The following SOS1 variants were observed in gnomAD, a reference collection of about 807,000 sequenced individuals.
The protein encoded by SOS1 is son of sevenless homolog 1.
Under a neutral mutation model 157.6 loss-of-function variants are expected in SOS1, and 25 were observed. The ratio of observed to expected loss-of-function variants is 0.16; its 90% confidence interval spans 0.12 to 0.22. The LOEUF is 0.22. Among genes scored for constraint, SOS1 ranks in the 10% least tolerant of loss-of-function variants. The pLI is 1.00. For synonymous variants in SOS1, 528 were observed against 534.0 expected (o/e 0.99, Z 0.16); for missense variants, 1,237 against 1,599.1 (o/e 0.77, Z 3.86).
At chr2:39,114,650 G>A (rs769022204) in intron 1 of SOS1, among the ~76,000 whole-genome samples, 2 of 152,034 alleles carry the variant, frequency 1.3e-5, no homozygotes, top group Non-Finnish European at 2.9e-5. Flanking sequence ...TGTCACCCAG[G>A]CTGGAGTACA....
intron 1 of SOS1, among the ~76,000 whole-genome samples, chr2:39,109,395 G>C (rs1326521255): frequency 6.6e-6 from 1 of 151,960 alleles, no homozygotes; most frequent in Non-Finnish European, 1.5e-5. Context: ...TAATGCAACA[G>C]AACCCTTTTT....
At chr2:39,005,060 C>T (rs1669238977) in intron 17 of SOS1, among the ~76,000 whole-genome samples, 1 of 152,134 alleles carries the variant, frequency 6.6e-6, no homozygotes, top group South Asian at 2.1e-4. Flanking sequence ...TGATATGTTC[C>T]AGGATCCCCA....
rs563581670 is a variant in SOS1, at chr2:39,117,760, C to T, written c.87+2576G>A. Reference sequence around the variant, plus strand: ...ACAAAGGAGACTCAATTAGAGAAGTCGGAGGAGGAATAGACTAGAAGAACA... The same window carrying T: ...ACAAAGGAGACTCAATTAGAGAAGTTGGAGGAGGAATAGACTAGAAGAACA... On this transcript the variant is annotated intron_variant, in intron 1 of 22. Coordinates refer to ENST00000402219, the MANE Select transcript of SOS1 (RefSeq NM_005633.4). Among the ~76,000 whole-genome samples the T allele has an allele frequency of 3.9e-5, 6 of 152,076 alleles. No homozygotes were observed. In the East Asian group the frequency reaches 7.7e-4, roughly 20 times the overall value.
rs1192442612 is a variant in SOS1 at position 39,010,884 on chromosome 2, A to AT, written c.2391-182dup. Among the ~76,000 whole-genome samples the AT allele has an allele frequency of 3.7e-5, 5 of 135,118 alleles. No individual in the cohort carries two copies. The East Asian group carries it at 8.8e-4, about 24-fold the overall frequency. 88.6% of individuals were successfully genotyped at this position (135,118 alleles called of 152,430 possible). A position where few individuals can be genotyped will look rare whatever the true frequency, so the allele number is the denominator to read the frequency against. ...TGTAATTATGCATATTTCCTTATGG[A>AT]TTTTTTTTAAACTTTTTTTTTTTTT... On this transcript the variant is annotated intron_variant, in intron 14 of 22. Coordinates refer to ENST00000402219, the MANE Select transcript of SOS1 (RefSeq NM_005633.4).
chr2:39,011,420 TC>T (rs1383170256), intron 14 of SOS1, among the ~76,000 whole-genome samples: 1 of 151,904 alleles, frequency 6.6e-6, no homozygotes, highest in African/African-American at 2.4e-5. Flanking sequence ...CATTCACACA[TC>T]TTTTTTTTTT....
At chr2:39,057,272 T>C (rs982830951) in intron 3 of SOS1, among the ~76,000 whole-genome samples, 1 of 152,162 alleles carries the variant, frequency 6.6e-6, no homozygotes, top group Non-Finnish European at 1.5e-5. Flanking sequence ...TAGGAATCTC[T>C]ACCAGGCTTA....
At chr2:38,989,429 C>T in intron 20 of SOS1, 115 bp from the exon 21 acceptor site, 1 of 718,670 alleles carries the variant, frequency 1.4e-6, no homozygotes, top group Non-Finnish European at 2.5e-6. Flanking sequence ...TTAAAGAATG[C>T]TGTAACAGTT....
At chr2:39,120,258 GC>G in intron 1 of SOS1, 77 bp downstream of exon 1, 3 of 1,295,440 alleles carry the variant, frequency 2.3e-6, no homozygotes, top group Non-Finnish European at 2.0e-6. Context: ...CCCTGCGCGC[GC>G]CCCGCCTCCC....
intron 1 of SOS1, among the ~76,000 whole-genome samples, chr2:39,118,430 G>A (rs1192444174): frequency 6.6e-6 from 1 of 152,198 alleles, no homozygotes; most frequent in Non-Finnish European, 1.5e-5. Flanking sequence ...TTTCAATCTT[G>A]TTTAGAATCA....
In SOS1 at chr2:39,111,732, T is replaced by C. The variant is rs540717657; in HGVS notation, c.87+8604A>G. Among the ~76,000 whole-genome samples the C allele has an allele frequency of 1.6e-4, 24 of 151,852 alleles. No individual in the cohort carries two copies. The South Asian group carries it at 4.4e-3, about 28-fold the overall frequency. On this transcript the variant is annotated intron_variant, in intron 1 of 22. Transcript: ENST00000402219. ...CTTCATCTCTGGAATCCTTTTTTTT[T>C]TTTTTTCTTTTTTTGAGACGGAGTT...
intron 20 of SOS1, among the ~76,000 whole-genome samples, chr2:38,994,375 G>A (rs887692065): frequency 6.6e-6 from 1 of 152,114 alleles, no homozygotes; most frequent in Non-Finnish European, 1.5e-5. Flanking sequence ...GATTTGTTTC[G>A]CTGCACTGAA....
intron 1 of SOS1, among the ~76,000 whole-genome samples, chr2:39,088,915 T>A (rs1672478219): frequency 6.6e-6 from 1 of 152,238 alleles, no homozygotes; most frequent in Non-Finnish European, 1.5e-5. Context: ...TATACCATTT[T>A]AGATTCCCAC....
At chr2:39,067,554 T>C (rs1022794909) in intron 2 of SOS1, 74 bp downstream of exon 2, 11 of 1,365,746 alleles carry the variant, frequency 8.1e-6, no homozygotes, top group African/African-American at 7.2e-5. Flanking sequence ...GAGCAAATTC[T>C]TTCCCTGTTC....
intron 8 of SOS1, among the ~76,000 whole-genome samples, chr2:39,026,269 C>T (rs553270482): frequency 6.6e-6 from 1 of 151,446 alleles, no homozygotes; most frequent in Admixed American, 6.6e-5. Context: ...GCAGAAGAAT[C>T]GCCTGAACTC....
At chr2:39,029,459 C>T (rs1489983598) in intron 8 of SOS1, among the ~76,000 whole-genome samples, 1 of 152,050 alleles carries the variant, frequency 6.6e-6, no homozygotes, top group Non-Finnish European at 1.5e-5. Flanking sequence ...GATGCCGTCT[C>T]TACCAGAAAA....
chr2:39,036,894 C>G (rs1183488165), intron 6 of SOS1, among the ~76,000 whole-genome samples: 1 of 151,736 alleles, frequency 6.6e-6, no homozygotes, highest in Non-Finnish European at 1.5e-5. Flanking sequence ...TGGTCTTGAT[C>G]TGCTGGACTC....
chr2:39,006,679 A>C, intron 16 of SOS1, 150 bp from the exon 17 acceptor site: 1 of 666,382 alleles, frequency 1.5e-6, no homozygotes, highest in Non-Finnish European at 2.7e-6. Flanking sequence ...CAAATAAATT[A>C]TCTTCATAGA....
At chr2:39,077,723 A>G (rs754195418) in intron 1 of SOS1, among the ~76,000 whole-genome samples, 5 of 152,220 alleles carry the variant, frequency 3.3e-5, no homozygotes, top group Admixed American at 6.5e-5. Flanking sequence ...TAGATTCATG[A>G]GGAAAGGATG....
chr2:39,034,226 TTC>T (rs1475375807), intron 8 of SOS1, among the ~76,000 whole-genome samples: 1 of 152,236 alleles, frequency 6.6e-6, no homozygotes, highest in Admixed American at 6.5e-5. Context: ...TCAAACTGAA[TTC>T]CAAATGACTA....
Sources: gnomAD v4.1 joint callset for allele counts (sites outside exome capture counted in the v4.1 genomes callset) on GRCh38, gnomAD v4.1.1 for gene constraint, MANE v1.5 for transcripts, NCBI Gene and HGNC (gene_info 2026-07-23, HGNC 2026-07-21) for gene names.